Variants in TRIB2 observed in about 807,000 individuals in gnomAD.
TRIB2 encodes the protein tribbles pseudokinase 2.
In TRIB2, 2 loss-of-function variants were observed where a neutral mutation model predicts 26.8. The ratio of observed to expected loss-of-function variants is 0.07; its 90% CI spans 0.03 to 0.24. The LOEUF is 0.24. Ranked by LOEUF, TRIB2 falls within the 10% of genes least tolerant of loss-of-function variation. TRIB2 has a pLI of 1.00. For synonymous variants in TRIB2, 189 were observed against 187.3 expected (o/e 1.01, Z -0.08); for missense variants, 306 against 449.0 (o/e 0.68, Z 2.88).
rs1666612583 is a variant in TRIB2 at position 12,717,329 on chromosome 2, G to T, written c.-979G>T. On this transcript the variant is annotated 5_prime_UTR_variant, in exon 1 of 3. Transcript: ENST00000155926. This position sits in a 1 kb window ranked among gnomAD's most constrained non-coding sequence, Gnocchi z 4.8. ...AAGGGCCAGGGACGCAGCTCCCCTT[G>T]CAGCGCCCGCAGGACCCCCGCAAGC... 2.5e-6 allele frequency: 1 copy of T among 398,496 alleles called. No individual in the cohort carries two copies. Among genetic ancestry groups the T allele is most frequent in the African/African-American group, 2.1e-5 (1 of 48,754 alleles). 24.7% of individuals were successfully genotyped at this position (398,496 alleles called of 1,614,324 possible). A position where few individuals can be genotyped will look rare whatever the true frequency, so the allele number is the denominator to read the frequency against.
chr2:12,725,350 C>A lies in TRIB2; in HGVS notation c.563+1798C>A, dbSNP rs570769837. ...GTCCCCAAGTCATAGAACATGGGAA[C>A]AAAAGTGGACCCGGAGGTTGCATAG... On this transcript the variant is annotated intron_variant, in intron 2 of 2. Coordinates refer to ENST00000155926, the MANE Select transcript of TRIB2 (RefSeq NM_021643.4). Among the ~76,000 whole-genome samples, 10 of 152,274 alleles carry A rather than the reference C, an allele frequency of 6.6e-5. No homozygotes were observed. In the East Asian group the frequency reaches 1.9e-3, roughly 29 times the overall value.
chr2:12,725,472 C>G (rs917280093), intron 2 of TRIB2, among the ~76,000 whole-genome samples: 1 of 152,226 alleles, frequency 6.6e-6, no homozygotes, highest in South Asian at 2.1e-4. Context: ...CAGTGAAGCA[C>G]AGCCAGGCCT....
At chr2:12,729,410 T>C (rs1336536748) in intron 2 of TRIB2, among the ~76,000 whole-genome samples, 1 of 151,942 alleles carries the variant, frequency 6.6e-6, no homozygotes, top group Non-Finnish European at 1.5e-5. Flanking sequence ...GAGGCAGGGG[T>C]AAGTAGAGTA....
rs1219567868 is a variant in TRIB2 at position 12,718,437 on chromosome 2, G to C, written c.130G>C (p.Gly44Arg). Residue 44 changes from glycine to arginine, a missense_variant, in exon 1 of 3, where the codon GGC becomes CGC. By Grantham distance (125) the Gly-to-Arg change is moderately radical. This residue lies in a region of TRIB2 where 99 missense variants were observed against 106.5 expected (regional missense o/e 0.93). Coordinates refer to ENST00000155926, the MANE Select transcript of TRIB2 (RefSeq NM_021643.4). The surrounding 1 kb of genome is among the most constrained non-coding windows in gnomAD (Gnocchi z 4.0). ...CAGCCAGAGTTTCAGCCCGAACCTC[G>C]GCTCCCCGAGCCCGCCCGAGACTCC... The part of the protein sequence containing the change: ...EPSQSFSPNL[G>R]SPSPPETPNL... 5.0e-6 allele frequency: 8 copies of C among 1,614,084 alleles called. No homozygotes were observed. Among genetic ancestry groups the C allele is most frequent in the Non-Finnish European group, 5.9e-6 (7 of 1,180,048 alleles).
intron 2 of TRIB2, among the ~76,000 whole-genome samples, chr2:12,737,854 AT>A (rs901356523): frequency 2.3e-4 from 35 of 150,904 alleles, no homozygotes; most frequent in African/African-American, 6.3e-4. Flanking sequence ...TTACTACATA[AT>A]TTTTTTTTTA....
intron 1 of TRIB2, among the ~76,000 whole-genome samples, chr2:12,722,760 T>C (rs1661247818): frequency 6.6e-6 from 1 of 152,204 alleles, no homozygotes. Context: ...TAGAGACCAC[T>C]GGGCAAAAGC....
intron 2 of TRIB2, among the ~76,000 whole-genome samples, chr2:12,727,519 G>A (rs922031671): frequency 2.6e-5 from 4 of 152,148 alleles, no homozygotes; most frequent in Non-Finnish European, 5.9e-5. Flanking sequence ...TGGAACCTGA[G>A]GCTCAGAAAG....
intron 2 of TRIB2, among the ~76,000 whole-genome samples, chr2:12,736,401 G>A (rs975706847): frequency 1.3e-5 from 2 of 152,136 alleles, no homozygotes; most frequent in African/African-American, 4.8e-5. Context: ...AAGACTGAGC[G>A]AGGAGAAATT....
intron 2 of TRIB2, among the ~76,000 whole-genome samples, chr2:12,725,827 A>G (rs1165297927): frequency 6.6e-6 from 1 of 152,230 alleles, no homozygotes; most frequent in Non-Finnish European, 1.5e-5. Context: ...TATAGTCCCT[A>G]CAGCATGGTG....
intron 2 of TRIB2, among the ~76,000 whole-genome samples, chr2:12,736,233 C>T (rs1483056541): frequency 2.6e-5 from 4 of 152,062 alleles, no homozygotes; most frequent in Admixed American, 6.5e-5. Flanking sequence ...GTCGGGGAAG[C>T]ACAATCCGGG....
intron 2 of TRIB2, chr2:12,737,249 C>T (rs1448934355): frequency 6.5e-6 from 1 of 153,966 alleles, no homozygotes; most frequent in East Asian, 1.9e-4. Context: ...CGCCCCTTGT[C>T]CCACAGATGG....
chr2:12,742,734 A>G lies in TRIB2; in HGVS notation c.*1940A>G, dbSNP rs1489945110. ...ATAAAATTGTGCGTATTTAACTAAA[A>G]TGCTGGAGTCTGGAAAATGATGATT... is the stretch of plus-strand genomic sequence containing the variant. On this transcript the variant is annotated 3_prime_UTR_variant, in exon 3 of 3. Transcript: ENST00000155926. The G allele has an allele frequency of 1.3e-5, 2 of 152,602 alleles. No individual in the cohort carries two copies. Among genetic ancestry groups the G allele is most frequent in the Non-Finnish European group, 2.9e-5 (2 of 68,040 alleles). The allele number at this position is 152,602 out of a possible 1,614,324, so 9.5% of individuals were successfully genotyped here.
chr2:12,717,799 G>A lies in TRIB2; in HGVS notation c.-509G>A. 3.3e-6 allele frequency: 1 copy of A among 299,972 alleles called. No homozygotes were observed. The highest frequency in any genetic ancestry group is 6.1e-6 in the Non-Finnish European group (1 of 164,646). 18.6% of individuals were successfully genotyped at this position (299,972 alleles called of 1,614,324 possible). A position where few individuals can be genotyped will look rare whatever the true frequency, so the allele number is the denominator to read the frequency against. ...CCGTGCGTCGCCAGCCGGTAGACCC[G>A]TGCTTGTTTCCTTTCTCTTTTTGTT... On this transcript the variant is annotated 5_prime_UTR_variant, in exon 1 of 3. It adds an upstream start codon to the 5' untranslated region. Transcript: ENST00000155926. This position sits in a 1 kb window ranked among gnomAD's most constrained non-coding sequence, Gnocchi z 4.8.
At position 12,732,803 on chromosome 2, in the gene TRIB2, G is replaced by C. The variant is rs539038121; in HGVS notation, c.564-7523G>C. Among the ~76,000 whole-genome samples, 1 of 152,214 alleles carries C rather than the reference G, an allele frequency of 6.6e-6. No homozygotes were observed. The highest frequency in any genetic ancestry group is 2.4e-5 in the African/African-American group (1 of 41,454). ...CCTGGCTTTCACAGCTGGACTGGCT[G>C]CCCAGAGGACTTTTTCAGTAACAGT... On this transcript the variant is annotated intron_variant, in intron 2 of 2. Transcript: ENST00000155926. This position sits in a 1 kb window ranked among gnomAD's most constrained non-coding sequence, Gnocchi z 4.2.
chr2:12,718,456 A>C lies in TRIB2; in HGVS notation c.149A>C (p.Glu50Ala). Residue 50 changes from glutamate to alanine, a missense_variant, in exon 1 of 3, where the codon GAG becomes GCG. Glu to Ala is a moderately radical substitution (Grantham distance 107). Transcript: ENST00000155926. This position sits in a 1 kb window ranked among gnomAD's most constrained non-coding sequence, Gnocchi z 4.0. ...SPNLGSPSPP[E>A]TPNLSHCVSC... ...AACCTCGGCTCCCCGAGCCCGCCCGAGACTCCGAACTTGTCGCATTGCGTT... is the reference window on the plus strand; with the variant it reads ...AACCTCGGCTCCCCGAGCCCGCCCGCGACTCCGAACTTGTCGCATTGCGTT... 2 of 1,614,242 alleles carry C rather than the reference A, an allele frequency of 1.2e-6. No homozygotes were observed. Among genetic ancestry groups the C allele is most frequent in the Non-Finnish European group, 1.7e-6 (2 of 1,180,044 alleles).
rs187968640 is a variant in TRIB2, at chr2:12,734,716, T to C, written c.564-5610T>C. On this transcript the variant is annotated intron_variant, in intron 2 of 2. Coordinates refer to ENST00000155926, the MANE Select transcript of TRIB2 (RefSeq NM_021643.4). ...TCATGTCTGTCTCCCCAGTGCCTAG[T>C]TGGGGAACTCAAGCAGAGTAAATGC... Among the ~76,000 whole-genome samples, 810 of 152,260 alleles carry C rather than the reference T, an allele frequency of 5.3e-3. 7 individuals are homozygous for C. Among genetic ancestry groups the C allele is most frequent in the Admixed American group, 0.017 (262 of 15,296 alleles).
intron 1 of TRIB2, among the ~76,000 whole-genome samples, chr2:12,721,110 C>T (rs1393734711): frequency 6.6e-6 from 1 of 152,082 alleles, no homozygotes; most frequent in Non-Finnish European, 1.5e-5. Flanking sequence ...CCCCTGATAG[C>T]TACTAATAAA....
Position 12,718,320 on chromosome 2 carries a change from A to G in TRIB2, c.13A>G (p.Arg5Gly). The G allele has an allele frequency of 6.2e-7, 1 of 1,613,820 alleles. No homozygotes were observed. The highest frequency in any genetic ancestry group is 8.5e-7 in the Non-Finnish European group (1 of 1,179,772). Residue 5 changes from arginine to glycine, a missense_variant, in exon 1 of 3, where the codon AGG (arginine) becomes GGG (glycine). Transcript: ENST00000155926. The surrounding 1 kb of genome is among the most constrained non-coding windows in gnomAD (Gnocchi z 4.0). ...GATCCTCACACTCATGAACATACACAGGTCTACCCCCATCACAATAGCGAG... is the reference window on the plus strand; with the variant it reads ...GATCCTCACACTCATGAACATACACGGGTCTACCCCCATCACAATAGCGAG... MNIH[R>G]STPITIARYG...
Position 12,732,764 on chromosome 2 carries a change from G to A in TRIB2, c.564-7562G>A, listed in dbSNP as rs747782170. On this transcript the variant is annotated intron_variant, in intron 2 of 2. Transcript: ENST00000155926. This position sits in a 1 kb window ranked among gnomAD's most constrained non-coding sequence, Gnocchi z 4.2. ...CCTTCCCAGGCCCTTGGTAGCAGCC[G>A]CCCCGGGCGGGACCCTGGCTTTCAC... is the stretch of plus-strand genomic sequence containing the variant. 3.9e-5 allele frequency among the ~76,000 whole-genome samples: 6 copies of A among 152,234 alleles called. No individual in the cohort carries two copies. The highest frequency in any genetic ancestry group is 1.3e-4 in the Admixed American group (2 of 15,292).
Sources: allele counts gnomAD v4.1 joint callset (sites outside exome capture counted in the v4.1 genomes callset), GRCh38; gene constraint gnomAD v4.1.1; regional missense constraint gnomAD v4.1.1; non-coding constraint Gnocchi (gnomAD v3.1); transcripts MANE v1.5; gene names NCBI Gene and HGNC (gene_info 2026-07-23, HGNC 2026-07-21).